Variants in MYO16 observed in about 807,000 individuals in gnomAD.
MYO16 encodes myosin XVI.
MYO16 carries 94 observed loss-of-function variants against 205.3 expected under a neutral mutation model. The ratio of observed to expected loss-of-function variants is 0.46; its 90% CI spans 0.39 to 0.54. MYO16 has a LOEUF of 0.54. Ranked by LOEUF, MYO16 falls within the 20% of genes least tolerant of loss-of-function variation. The pLI is 0.00. For missense variants in MYO16, 2,315 were observed against 2,387.5 expected (o/e 0.97, Z 0.63); for synonymous variants, 988 against 954.0 (o/e 1.04, Z -0.66).
At chr13:109,028,322 G>T in intron 23 of MYO16, 1 of 237,938 alleles carries the variant, frequency 4.2e-6, no homozygotes, top group Non-Finnish European at 8.4e-6. Context: ...ACAGAAAATT[G>T]AGATATTTCT....
At chr13:108,592,633 G>A (rs994961705), upstream of MYO16, among the ~76,000 whole-genome samples, 1 of 149,672 alleles carries the variant, frequency 6.7e-6, no homozygotes, top group Non-Finnish European at 1.5e-5. Flanking sequence ...TGTGTGTGTT[G>A]TGTGTGGAGC....
Position 108,823,220 on chromosome 13 carries a change from G to A in MYO16, c.1039G>A (p.Ala347Thr). Residue 347 changes from alanine to threonine, a missense_variant, in exon 9 of 35, where the codon GCT (alanine) becomes ACT (threonine). By Grantham distance (58) the Ala-to-Thr change is moderately conservative. Around this residue, in one of 3 missense-constraint regions of MYO16, gnomAD observed 1,213 missense variants for 1,274.4 expected, o/e 0.95. Transcript: ENST00000457511. ...AGAGCCTTTATCTGCTTCTACCTTA[G>A]CTCAAGAAGAGCCCTATGAAGAGAT... The part of the protein sequence containing the change: ...MKEPLSASTL[A>T]QEEPYEEIIH... 6.2e-7 allele frequency: 1 copy of A among 1,613,142 alleles called. No individual in the cohort carries two copies. Among genetic ancestry groups the A allele is most frequent in the Non-Finnish European group, 8.5e-7 (1 of 1,179,470 alleles).
At chr13:109,023,626 TA>T (rs1431761193) in intron 23 of MYO16, among the ~76,000 whole-genome samples, 2 of 119,622 alleles carry the variant, frequency 1.7e-5, no homozygotes, top group Admixed American at 9.6e-5. Flanking sequence ...TACAAATATA[TA>T]GACAAATATA....
At chr13:109,149,312 G>A (rs1329699981) in intron 32 of MYO16, among the ~76,000 whole-genome samples, 1 of 152,184 alleles carries the variant, frequency 6.6e-6, no homozygotes, top group African/African-American at 2.4e-5. Context: ...TGTTGACCAA[G>A]CACATTGACG....
chr13:108,579,440 A>AT, the MYO16 span, among the ~76,000 whole-genome samples: 2 of 76,494 alleles, frequency 2.6e-5, no homozygotes, highest in East Asian at 1.0e-3. Context: ...TAAAGGCAAG[A>AT]ATTTTTTTTT....
chr13:109,024,304 C>G (rs777447549), intron 23 of MYO16, among the ~76,000 whole-genome samples: 2 of 151,714 alleles, frequency 1.3e-5, no homozygotes, highest in Non-Finnish European at 2.9e-5. Flanking sequence ...CAGGAAATTA[C>G]TTTTCCTAAG....
intron 4 of MYO16, among the ~76,000 whole-genome samples, chr13:108,752,376 A>G (rs1343372593): frequency 1.3e-5 from 2 of 152,162 alleles, no homozygotes; most frequent in Non-Finnish European, 2.9e-5. Flanking sequence ...ACATATGTTT[A>G]TATCTATTTG....
chr13:108,824,417 C>A (rs762635655), intron 9 of MYO16, among the ~76,000 whole-genome samples: 1 of 152,006 alleles, frequency 6.6e-6, no homozygotes, highest in African/African-American at 2.4e-5. Flanking sequence ...TCTAATACAA[C>A]CCCTCTAAAA....
the MYO16 span, among the ~76,000 whole-genome samples, chr13:108,529,317 A>G: frequency 6.6e-6 from 1 of 152,144 alleles, no homozygotes; most frequent in Admixed American, 6.5e-5. Flanking sequence ...AACTAGCATG[A>G]GCCTTGAGGA....
At chr13:108,590,097 G>A in the MYO16 span, among the ~76,000 whole-genome samples, 3 of 152,058 alleles carry the variant, frequency 2.0e-5, no homozygotes, top group Admixed American at 6.5e-5. Flanking sequence ...ACCTCAATGA[G>A]AAGAAACTTT....
chr13:108,712,651 T>A lies in MYO16; in HGVS notation c.293-10T>A. 6.2e-7 allele frequency: 1 copy of A among 1,613,406 alleles called. No individual in the cohort carries two copies. The highest frequency in any genetic ancestry group is 8.5e-7 in the Non-Finnish European group (1 of 1,179,274). ...CTCTGTAACTCCATTCTCCTCTCTG[T>A]TGTTTTCAGTGCTTCGGCTCCTGAA... On this transcript the variant is annotated splice_polypyrimidine_tract_variant and intron_variant, in intron 2 of 34. Coordinates refer to ENST00000457511, the MANE Select transcript of MYO16 (RefSeq NM_001198950.3).
chr13:108,574,418 G>T, the MYO16 span, among the ~76,000 whole-genome samples: 1 of 152,034 alleles, frequency 6.6e-6, no homozygotes, highest in African/African-American at 2.4e-5. Context: ...ATTGGTATAT[G>T]GGTTTCTTGA....
rs1385094815 is a variant in MYO16, at chr13:109,207,741, A to G, written c.*905A>G. ...TTCAAAGGCCTACACAGTACAAATG[A>G]GCACGCTGCCATGTACTGGTTTGAG... On this transcript the variant is annotated 3_prime_UTR_variant, in exon 35 of 35. Transcript: ENST00000457511. 1.3e-5 allele frequency: 2 copies of G among 152,254 alleles called. No homozygotes were observed. The highest frequency in any genetic ancestry group is 2.9e-5 in the Non-Finnish European group (2 of 68,048). The allele number at this position is 152,254 out of a possible 1,614,324, so 9.4% of individuals were successfully genotyped here. A position where few individuals can be genotyped will look rare whatever the true frequency, so the allele number is the denominator to read the frequency against.
intron 22 of MYO16, among the ~76,000 whole-genome samples, chr13:109,015,030 G>T (rs1317398586): frequency 6.6e-6 from 1 of 152,186 alleles, no homozygotes; most frequent in African/African-American, 2.4e-5. Flanking sequence ...GGGCATCCCT[G>T]TCTCGTGCCA....
the MYO16 span, among the ~76,000 whole-genome samples, chr13:108,495,966 G>A: frequency 6.6e-6 from 1 of 152,140 alleles, no homozygotes; most frequent in Non-Finnish European, 1.5e-5. Context: ...CCAAGCGCGG[G>A]GAACGCGGCG....
chr13:108,816,010 G>A (rs894183447), intron 7 of MYO16, among the ~76,000 whole-genome samples: 3 of 152,140 alleles, frequency 2.0e-5, no homozygotes, highest in African/African-American at 7.2e-5. Context: ...TAACAAGCCA[G>A]TTGATTTCCT....
chr13:108,685,406 G>A (rs550582291), intron 2 of MYO16, among the ~76,000 whole-genome samples: 1 of 152,306 alleles, frequency 6.6e-6, no homozygotes, highest in African/African-American at 2.4e-5. Flanking sequence ...GAGGAGTCTT[G>A]TGGGACTGAG....
chr13:108,837,833 A>T (rs1207344133), intron 9 of MYO16, among the ~76,000 whole-genome samples: 1 of 152,224 alleles, frequency 6.6e-6, no homozygotes, highest in Non-Finnish European at 1.5e-5. Flanking sequence ...TCTAAAGAAA[A>T]GTATTTATTC....
At chr13:108,561,951 T>A in the MYO16 span, among the ~76,000 whole-genome samples, 6,689 of 152,290 alleles carry the variant, frequency 0.044, 442 homozygotes, top group African/African-American at 0.15. Flanking sequence ...CATGTAGGCA[T>A]TTGTGAGCCT....
Sources: allele counts gnomAD v4.1 joint callset (sites outside exome capture counted in the v4.1 genomes callset), GRCh38; gene constraint gnomAD v4.1.1; regional missense constraint gnomAD v4.1.1; transcripts MANE v1.5; gene names NCBI Gene and HGNC (gene_info 2026-07-23, HGNC 2026-07-21).